LRRK1: variants seen among roughly 807,000 people sequenced by gnomAD.
LRRK1 encodes leucine-rich repeat serine/threonine-protein kinase 1.
In LRRK1, 113 loss-of-function variants were observed where a neutral mutation model predicts 209.1. That is an observed-to-expected ratio of 0.54 (90% CI 0.46 to 0.63). The LOEUF is 0.63. Among genes scored for constraint, LRRK1 ranks in the 30% least tolerant of loss-of-function variants. The probability of loss-of-function intolerance (pLI) is 0.00; values close to 1 mark genes in which losing one functional copy is unlikely to be tolerated. For missense variants in LRRK1, 2,284 were observed against 2,632.2 expected (o/e 0.87, Z 2.89); for synonymous variants, 1,144 against 1,099.7 (o/e 1.04, Z -0.80).
At chr15:101,067,240 G>A in intron 33 of LRRK1, 1 of 456,256 alleles carries the variant, frequency 2.2e-6, no homozygotes, top group Non-Finnish European at 4.4e-6. Context: ...GGACCCCCAG[G>A]ATTATGCCAG....
intron 2 of LRRK1, among the ~76,000 whole-genome samples, chr15:100,951,913 A>G (rs2042659474): frequency 6.6e-6 from 1 of 151,648 alleles, no homozygotes; most frequent in Non-Finnish European, 1.5e-5. Flanking sequence ...AGATCGCACC[A>G]TTGCACTCCC....
intron 7 of LRRK1, 38 bp from the exon 8 acceptor site, chr15:101,010,412 T>C: frequency 6.3e-7 from 1 of 1,585,780 alleles, no homozygotes; most frequent in East Asian, 2.2e-5. Context: ...GTTTTCCCTC[T>C]TTATTCTGAT....
intron 19 of LRRK1, 143 bp from the exon 20 acceptor site, chr15:101,028,813 C>A: frequency 1.1e-6 from 1 of 927,034 alleles, no homozygotes; most frequent in Non-Finnish European, 1.6e-6. Context: ...TGCCAGCCCA[C>A]CTGAAGGGTC....
At position 101,005,249 on chromosome 15, in the gene LRRK1, A is replaced by T. The variant is rs117487305; in HGVS notation, c.763-3588A>T. On this transcript the variant is annotated intron_variant, in intron 6 of 33. Transcript: ENST00000388948. ...AAGTCCACATGGTGACCTTCCTGTCAGCCTGTTGCTGGGCTGACTGTCATG... is the reference window on the plus strand; with the variant it reads ...AAGTCCACATGGTGACCTTCCTGTCTGCCTGTTGCTGGGCTGACTGTCATG... 3.0e-4 allele frequency among the ~76,000 whole-genome samples: 45 copies of T among 152,320 alleles called. 3 individuals are homozygous for T. In the East Asian group the frequency reaches 8.3e-3, roughly 28 times the overall value.
intron 6 of LRRK1, among the ~76,000 whole-genome samples, chr15:100,998,727 G>A (rs1051139511): frequency 1.3e-5 from 2 of 151,564 alleles, no homozygotes; most frequent in Non-Finnish European, 2.9e-5. Context: ...ATAGGAGGAT[G>A]ATAGATGGAT....
intron 6 of LRRK1, among the ~76,000 whole-genome samples, chr15:100,996,520 G>A (rs1398537426): frequency 2.6e-5 from 4 of 152,218 alleles, no homozygotes; most frequent in Non-Finnish European, 5.9e-5. Context: ...TTGTGTCCTG[G>A]TGAGCAGTTC....
chr15:101,027,115 A>C lies in LRRK1; in HGVS notation c.2406-146A>C. On this transcript the variant is annotated intron_variant, in intron 17 of 33. Transcript: ENST00000388948. The surrounding 1 kb of genome is among the most constrained non-coding windows in gnomAD (Gnocchi z 5.1). ...CCCAGCACAGTGATTTGCACAAAGC[A>C]AGGCCTCAATAAACTTCTTGTGTTG... 7.7e-6 allele frequency: 7 copies of C among 909,118 alleles called. No homozygotes were observed. Among genetic ancestry groups the C allele is most frequent in the Admixed American group, 2.6e-5 (1 of 39,164 alleles). The allele number at this position is 909,118 out of a possible 1,614,324, so 56.3% of individuals were successfully genotyped here.
rs536141490 is a variant in LRRK1 at position 100,967,493 on chromosome 15, G to T, written c.98-6311G>T. On this transcript the variant is annotated intron_variant, in intron 2 of 33. Coordinates refer to ENST00000388948, the MANE Select transcript of LRRK1 (RefSeq NM_024652.6). ...ACCCTGGATTGGTATTAGGGGCTTT[G>T]CTCCGTAAGCAGCTTGCCTTTTTTC... 5.7e-4 allele frequency among the ~76,000 whole-genome samples: 87 copies of T among 152,332 alleles called. 3 individuals carry two copies. Among genetic ancestry groups the T allele is most frequent in the Admixed American group, 5.6e-3 (85 of 15,300 alleles).
At chr15:101,061,054 C>A (rs1399552123) in intron 29 of LRRK1, 117 bp from the exon 30 acceptor site, 3 of 768,436 alleles carry the variant, frequency 3.9e-6, no homozygotes, top group Admixed American at 2.0e-5. Context: ...ACACAGGATG[C>A]AACCCTGGGT....
chr15:101,008,380 G>A (rs1212818547), intron 6 of LRRK1, among the ~76,000 whole-genome samples: 2 of 152,112 alleles, frequency 1.3e-5, no homozygotes, highest in African/African-American at 4.8e-5. Flanking sequence ...AGCTGCAGGC[G>A]GCAGCTCCTC....
At chr15:100,951,051 A>C (rs762692702) in intron 2 of LRRK1, among the ~76,000 whole-genome samples, 17 of 152,332 alleles carry the variant, frequency 1.1e-4, no homozygotes, top group Admixed American at 3.9e-4. Flanking sequence ...TGCAGGGAGC[A>C]GAGGTTGCGC....
At position 101,029,218 on chromosome 15, in the gene LRRK1, C is replaced by A; in HGVS notation, c.2949C>A (p.Pro983=). ...TGGCCAAGTTTGAGATCGCCCTGCC[C>A]GTCGCCAATGACAGGTGAGGACACA... The part of the protein sequence containing the change: ...QFLAKFEIAL[P]VANDSYLLPH... The change falls in exon 20 of 34, where the codon CCC becomes CCA. Residue 983 remains proline, a synonymous_variant. Coordinates refer to ENST00000388948, the MANE Select transcript of LRRK1 (RefSeq NM_024652.6). 1 of 1,611,816 alleles carries A rather than the reference C, an allele frequency of 6.2e-7. No individual in the cohort carries two copies. The highest frequency in any genetic ancestry group is 8.5e-7 in the Non-Finnish European group (1 of 1,178,350).
intron 2 of LRRK1, among the ~76,000 whole-genome samples, chr15:100,950,801 A>C (rs2042629058): frequency 6.6e-6 from 1 of 152,244 alleles, no homozygotes; most frequent in African/African-American, 2.4e-5. Flanking sequence ...ACAAAAAAAC[A>C]ACCCAATTTA....
At chr15:100,941,573 C>T (rs1346200935) in intron 2 of LRRK1, among the ~76,000 whole-genome samples, 1 of 150,478 alleles carries the variant, frequency 6.6e-6, no homozygotes, top group Non-Finnish European at 1.5e-5. Context: ...GAGTTTCGTG[C>T]TTCTCTTTAT....
At chr15:100,942,264 CAG>C (rs2042454289) in intron 2 of LRRK1, among the ~76,000 whole-genome samples, 1 of 152,170 alleles carries the variant, frequency 6.6e-6, no homozygotes, top group African/African-American at 2.4e-5. Context: ...CTATCTGTGA[CAG>C]GGGCAGGGTT....
rs762727247 is a variant in LRRK1, at chr15:101,027,658, C to T, written c.2547C>T (p.Ser849=). The change falls in exon 19 of 34, where the codon AGC becomes AGT. Residue 849 remains serine, a synonymous_variant. Transcript: ENST00000388948. The surrounding 1 kb of genome is among the most constrained non-coding windows in gnomAD (Gnocchi z 5.1). ...CCCAGATCCCCAGGAGCTACCTGAG[C>T]CTGCAGGAGGCCGTGCTGGCAGAGC... The part of the protein sequence containing the change: ...AGRLIPRSYL[S]LQEAVLAEQQ... 6.2e-7 allele frequency: 1 copy of T among 1,612,882 alleles called. No individual in the cohort carries two copies. The highest frequency in any genetic ancestry group is 2.2e-5 in the East Asian group (1 of 44,848).
chr15:100,980,872 C>A (rs1214829659), intron 3 of LRRK1, among the ~76,000 whole-genome samples: 3 of 152,238 alleles, frequency 2.0e-5, no homozygotes, highest in African/African-American at 7.2e-5. Flanking sequence ...GGACTGAGGC[C>A]AGTTACATGG....
rs773655950 is a variant in LRRK1 at position 101,077,979 on chromosome 15, C to T, written c.*9131C>T. On this transcript the variant is annotated 3_prime_UTR_variant, in exon 34 of 34. Coordinates refer to ENST00000388948, the MANE Select transcript of LRRK1 (RefSeq NM_024652.6). ...CCCACCTTAACTGATGACATTCCAC[C>T]ACAAAAGAAGTGTAAATGGCTGGTT... 1 of 153,268 alleles carries T rather than the reference C, an allele frequency of 6.5e-6. No homozygotes were observed. Among genetic ancestry groups the T allele is most frequent in the Non-Finnish European group, 1.5e-5 (1 of 68,894 alleles). The allele number at this position is 153,268 out of a possible 1,614,324, so 9.5% of individuals were successfully genotyped here.
In LRRK1 at chr15:101,066,180, G is replaced by C. The variant is rs775588013; in HGVS notation, c.5743G>C (p.Val1915Leu). 5.0e-6 allele frequency: 8 copies of C among 1,611,008 alleles called. No homozygotes were observed. Among genetic ancestry groups the C allele is most frequent in the Non-Finnish European group, 6.8e-6 (8 of 1,178,156 alleles). The change falls in exon 32 of 34, where the codon GTC becomes CTC. Residue 1915 changes from valine (V) to leucine (L), a missense_variant. This residue lies in a region of LRRK1 where 643 missense variants were observed against 695.9 expected (regional missense o/e 0.92). Transcript: ENST00000388948. ...CCTGCAGGCCGTGAAGATCCTCGCC[G>C]TCAGAGACCTCATTTGGGTCCCCAG... Reference protein sequence around the residue: ...QHLQAVKILAVRDLIWVPRRG... With the variant: ...QHLQAVKILALRDLIWVPRRG...
Sources: gnomAD v4.1 joint callset for allele counts (sites outside exome capture counted in the v4.1 genomes callset) on GRCh38, gnomAD v4.1.1 for gene constraint, gnomAD v4.1.1 regional missense constraint, Gnocchi (gnomAD v3.1) non-coding constraint, MANE v1.5 for transcripts, NCBI Gene and HGNC (gene_info 2026-07-23, HGNC 2026-07-21) for gene names.